The following GNAI1 variants were observed in gnomAD, a reference collection of about 807,000 sequenced individuals.
GNAI1 encodes guanine nucleotide-binding protein G(i) subunit alpha-1.
In GNAI1, 11 loss-of-function variants were observed where a neutral mutation model predicts 38.9. The ratio of observed to expected loss-of-function variants is 0.28; its 90% CI spans 0.18 to 0.47. The LOEUF is 0.47. Among genes scored for constraint, GNAI1 ranks in the 20% least tolerant of loss-of-function variants. The probability of loss-of-function intolerance (pLI) is 0.99; values close to 1 mark genes in which losing one functional copy is unlikely to be tolerated. For missense variants in GNAI1, 317 were observed against 436.9 expected, an observed-to-expected ratio of 0.73 and a Z score of 2.45; for synonymous variants, 166 against 145.1, an observed-to-expected ratio of 1.14 and a Z score of -1.04.
rs57107349 is a variant in GNAI1 at position 80,161,553 on chromosome 7, TCAAA to T, written c.118+26280_118+26283del. ...TATGTTTGTGTCATAATTGTTTGTG[TCAAA>T]CAAAGAATTTCTTTAAATGTCATAT... is the stretch of plus-strand genomic sequence containing the variant. On this transcript the variant is annotated intron_variant, in intron 1 of 7. Transcript: ENST00000649796. Among the ~76,000 whole-genome samples the T allele has an allele frequency of 1.9e-3, 290 of 152,298 alleles. 1 individual carries two copies. Among genetic ancestry groups the T allele is most frequent in the African/African-American group, 6.4e-3 (268 of 41,556 alleles).
At chr7:80,189,280 C>T in intron 3 of GNAI1, 49 bp downstream of exon 3, 1 of 1,506,044 alleles carries the variant, frequency 6.6e-7, no homozygotes. Context: ...AAAAGAATAA[C>T]TTGTATGCTA....
intron 1 of GNAI1, among the ~76,000 whole-genome samples, chr7:80,140,147 C>A (rs1206505272): frequency 6.6e-6 from 1 of 152,004 alleles, no homozygotes; most frequent in Non-Finnish European, 1.5e-5. Flanking sequence ...CCACGCCCGG[C>A]TAATTTTTTT....
intron 1 of GNAI1, among the ~76,000 whole-genome samples, chr7:80,157,216 A>G (rs1787834732): frequency 6.6e-6 from 1 of 152,166 alleles, no homozygotes; most frequent in Admixed American, 6.5e-5. Flanking sequence ...TGTAGTATGT[A>G]GCCTTTTCAG....
chr7:80,135,788 T>A, intron 1 of GNAI1: 1 of 985,848 alleles, frequency 1.0e-6, no homozygotes, highest in Non-Finnish European at 1.2e-6. Flanking sequence ...GCCTCTGAGA[T>A]GGGGCTGAAG....
At chr7:80,208,292 A>G (rs1327198539) in intron 5 of GNAI1, among the ~76,000 whole-genome samples, 1 of 152,226 alleles carries the variant, frequency 6.6e-6, no homozygotes, top group Non-Finnish European at 1.5e-5. Context: ...AGAACTTAAC[A>G]GTATATAAAA....
rs1789085272 is a variant in GNAI1 at position 80,221,901 on chromosome 7, A to G, written c.*4408A>G. Among the ~76,000 whole-genome samples, 1 of 151,952 alleles carries G rather than the reference A, an allele frequency of 6.6e-6. No individual in the cohort carries two copies. The highest frequency in any genetic ancestry group is 2.4e-5 in the African/African-American group (1 of 41,390). Reference sequence around the variant, plus strand: ...GTGATCTGACCGCCTCGGCCTCCCAAAGTGCTGGGATTACAGACGTGAGCC... The same window carrying G: ...GTGATCTGACCGCCTCGGCCTCCCAGAGTGCTGGGATTACAGACGTGAGCC... On this transcript the variant is annotated 3_prime_UTR_variant, in exon 8 of 8. Coordinates refer to ENST00000649796, the MANE Select transcript of GNAI1 (RefSeq NM_002069.6).
At chr7:80,197,266 C>T (rs1788595017) in intron 3 of GNAI1, among the ~76,000 whole-genome samples, 1 of 150,644 alleles carries the variant, frequency 6.6e-6, no homozygotes, top group Admixed American at 6.6e-5. Flanking sequence ...CATCATCTCA[C>T]TTATATGTAG....
intron 1 of GNAI1, 98 bp from the exon 2 acceptor site, chr7:80,188,853 T>C: frequency 2.6e-6 from 2 of 770,950 alleles, no homozygotes; most frequent in Non-Finnish European, 4.4e-6. Context: ...AGAGAGAGAC[T>C]GGGTGTGTGT....
At position 80,189,197 on chromosome 7, in the gene GNAI1, G is replaced by T; in HGVS notation, c.269G>T (p.Arg90Met). Residue 90 changes from arginine to methionine, a missense_variant, in exon 3 of 8, where the codon AGG becomes ATG. This residue lies in a region of GNAI1 where 67 missense variants were observed against 61.5 expected (regional missense o/e 1.09). Transcript: ENST00000649796. ...SIIAIIRAMG[R>M]LKIDFGDSAR... is the part of the protein sequence containing the mutation. ...ATTGCTATCATTAGGGCTATGGGGAGGTTGAAGATAGACTTTGGTGACTCA... is the reference window on the plus strand; with the variant it reads ...ATTGCTATCATTAGGGCTATGGGGATGTTGAAGATAGACTTTGGTGACTCA... 3 of 1,610,694 alleles carry T rather than the reference G, an allele frequency of 1.9e-6. No homozygotes were observed. Among genetic ancestry groups the T allele is most frequent in the Non-Finnish European group, 2.5e-6 (3 of 1,178,990 alleles).
Position 80,206,549 on chromosome 7 carries a change from CAAGG to C in GNAI1, c.590+2721_590+2724del, listed in dbSNP as rs1466314453. ...TAAAACTAAGAAGTGATTTTAATGA[CAAGG>C]AAGTTCACTATCAGATTGGGACTTA... On this transcript the variant is annotated intron_variant, in intron 5 of 7. Transcript: ENST00000649796. 4.6e-5 allele frequency among the ~76,000 whole-genome samples: 7 copies of C among 151,990 alleles called. No individual in the cohort carries two copies. In the East Asian group the frequency reaches 1.4e-3, roughly 29 times the overall value.
intron 7 of GNAI1, 120 bp from the exon 8 acceptor site, chr7:80,217,183 A>G: frequency 1.3e-5 from 2 of 158,544 alleles, no homozygotes; most frequent in Non-Finnish European, 2.2e-5. Context: ...ACAGTTAAGG[A>G]GTCCATGAAT....
At chr7:80,171,998 T>C (rs1419254205) in intron 1 of GNAI1, among the ~76,000 whole-genome samples, 1 of 152,246 alleles carries the variant, frequency 6.6e-6, no homozygotes, top group Non-Finnish European at 1.5e-5. Context: ...ACTTGTACTT[T>C]TAGGATTATA....
chr7:80,138,980 C>T (rs1017606721), intron 1 of GNAI1, among the ~76,000 whole-genome samples: 1 of 152,152 alleles, frequency 6.6e-6, no homozygotes, highest in Admixed American at 6.5e-5. Flanking sequence ...CTGTGACTTC[C>T]CCTAGTTGAG....
intron 1 of GNAI1, among the ~76,000 whole-genome samples, chr7:80,179,986 T>G (rs1788261233): frequency 6.6e-6 from 1 of 152,206 alleles, no homozygotes; most frequent in African/African-American, 2.4e-5. Context: ...TCTCTGCAAA[T>G]ATCCTTGAAA....
At chr7:80,182,619 A>G (rs1192825679) in intron 1 of GNAI1, among the ~76,000 whole-genome samples, 4 of 152,240 alleles carry the variant, frequency 2.6e-5, no homozygotes, top group Non-Finnish European at 5.9e-5. Context: ...GGGGAATGAT[A>G]ATTAAAAACA....
intron 1 of GNAI1, among the ~76,000 whole-genome samples, chr7:80,181,144 A>G (rs1788286204): frequency 6.6e-6 from 1 of 151,918 alleles, no homozygotes; most frequent in Non-Finnish European, 1.5e-5. Context: ...TATATTGTAA[A>G]ATTTTTGTTT....
chr7:80,169,407 CTATT>C (rs1195582735), intron 1 of GNAI1, among the ~76,000 whole-genome samples: 3 of 152,204 alleles, frequency 2.0e-5, no homozygotes, highest in Admixed American at 1.3e-4. Context: ...CCACCCCTAT[CTATT>C]AGGTAAAATC....
At chr7:80,173,403 C>T (rs1432480023) in intron 1 of GNAI1, among the ~76,000 whole-genome samples, 1 of 152,154 alleles carries the variant, frequency 6.6e-6, no homozygotes, top group African/African-American at 2.4e-5. Flanking sequence ...ATCCTGTACA[C>T]AGCCTACCTC....
intron 3 of GNAI1, among the ~76,000 whole-genome samples, chr7:80,198,222 C>T (rs965145497): frequency 6.6e-6 from 1 of 151,344 alleles, no homozygotes; most frequent in Non-Finnish European, 1.5e-5. Flanking sequence ...AAATACACAC[C>T]AGATGTTGTA....
Sources: allele counts gnomAD v4.1 joint callset (sites outside exome capture counted in the v4.1 genomes callset), GRCh38; gene constraint gnomAD v4.1.1; regional missense constraint gnomAD v4.1.1; transcripts MANE v1.5; gene names NCBI Gene and HGNC (gene_info 2026-07-23, HGNC 2026-07-21).